EEFSEC: variants seen among roughly 807,000 people sequenced by gnomAD.
EEFSEC encodes the protein eukaryotic elongation factor, selenocysteine-tRNA specific, also known as selenocysteine-specific elongation factor.
Under a neutral mutation model 42.1 loss-of-function variants are expected in EEFSEC, and 43 were observed. That is an observed-to-expected ratio of 1.02 (90% CI 0.80 to 1.32). EEFSEC has a LOEUF of 1.32. EEFSEC is among the 40% of genes most tolerant of loss of function. The pLI is 0.00. For synonymous variants in EEFSEC, 354 were observed against 339.1 expected, an observed-to-expected ratio of 1.04 and a Z score of -0.48; for missense variants, 745 against 803.6, an observed-to-expected ratio of 0.93 and a Z score of 0.88.
At chr3:128,340,747 A>G (rs2067241121) in intron 4 of EEFSEC, among the ~76,000 whole-genome samples, 1 of 152,212 alleles carries the variant, frequency 6.6e-6, no homozygotes, top group Non-Finnish European at 1.5e-5. Flanking sequence ...CAGGCTTTCC[A>G]GAGCAGTGGT....
At chr3:128,357,795 C>T (rs2067473799) in intron 5 of EEFSEC, among the ~76,000 whole-genome samples, 1 of 151,664 alleles carries the variant, frequency 6.6e-6, no homozygotes, top group African/African-American at 2.4e-5. Flanking sequence ...GTCATTGTGG[C>T]CCCCCAGGGG....
chr3:128,415,926 G>A, the EEFSEC span, among the ~76,000 whole-genome samples: 4 of 152,334 alleles, frequency 2.6e-5, no homozygotes, highest in Admixed American at 6.5e-5. Flanking sequence ...GGAACCTTTG[G>A]GGGGAAGTGG....
intron 6 of EEFSEC, among the ~76,000 whole-genome samples, chr3:128,399,061 G>A (rs894787796): frequency 6.6e-6 from 1 of 151,062 alleles, no homozygotes; most frequent in Non-Finnish European, 1.5e-5. Flanking sequence ...GAATGGATTT[G>A]TTTTTTGCCT....
chr3:128,236,294 T>C (rs1436305390), intron 1 of EEFSEC, among the ~76,000 whole-genome samples: 1 of 152,224 alleles, frequency 6.6e-6, no homozygotes, highest in Non-Finnish European at 1.5e-5. Flanking sequence ...ACCAAATGTT[T>C]GAGGTGACTC....
At chr3:128,356,589 A>G (rs933107054) in intron 5 of EEFSEC, among the ~76,000 whole-genome samples, 17 of 152,228 alleles carry the variant, frequency 1.1e-4, no homozygotes, top group African/African-American at 4.1e-4. Flanking sequence ...TTGTTTTTAC[A>G]TTTTTAAATT....
downstream of EEFSEC, among the ~76,000 whole-genome samples, chr3:128,412,937 T>C (rs2068184104): frequency 6.6e-6 from 1 of 152,118 alleles, no homozygotes; most frequent in South Asian, 2.1e-4. Flanking sequence ...CCTAGAAGGC[T>C]GTCTGCTGGG....
chr3:128,263,787 C>G (rs2066322755), intron 3 of EEFSEC, among the ~76,000 whole-genome samples: 1 of 152,192 alleles, frequency 6.6e-6, no homozygotes, highest in Admixed American at 6.5e-5. Flanking sequence ...GTGATGAGCC[C>G]TGACAGCATC....
rs1469874728 is a variant in EEFSEC at position 128,342,811 on chromosome 3, A to G, written c.1443+922A>G. ...AGAACACGGTGGTCTCCCCCAAAGT[A>G]GTGGAATCACCTCCTCCCATGGGGC... is the stretch of plus-strand genomic sequence containing the variant. On this transcript the variant is annotated intron_variant, in intron 5 of 6. Transcript: ENST00000254730. 2.0e-5 allele frequency among the ~76,000 whole-genome samples: 3 copies of G among 152,202 alleles called. No homozygotes were observed. The East Asian group carries it at 5.8e-4, about 29-fold the overall frequency.
At chr3:128,417,686 C>T in the EEFSEC span, among the ~76,000 whole-genome samples, 6 of 152,122 alleles carry the variant, frequency 3.9e-5, no homozygotes, top group African/African-American at 7.2e-5. This position sits in a 1 kb window ranked among gnomAD's most constrained non-coding sequence, Gnocchi z 4.3. Flanking sequence ...CAGGAGCACT[C>T]GGGCCAGTGG....
intron 6 of EEFSEC, among the ~76,000 whole-genome samples, chr3:128,386,311 G>C (rs2067837469): frequency 6.6e-6 from 1 of 152,136 alleles, no homozygotes; most frequent in Non-Finnish European, 1.5e-5. Flanking sequence ...GCAGGCTGCA[G>C]GCTACCTATG....
At chr3:128,276,831 A>G (rs533314259) in intron 4 of EEFSEC, among the ~76,000 whole-genome samples, 2 of 152,302 alleles carry the variant, frequency 1.3e-5, no homozygotes, top group African/African-American at 4.8e-5. Context: ...ATCTTGAGCA[A>G]TGAAGGGGTA....
At chr3:128,412,121 G>A (rs2068178138), downstream of EEFSEC, among the ~76,000 whole-genome samples, 2 of 152,236 alleles carry the variant, frequency 1.3e-5, no homozygotes, top group Admixed American at 1.3e-4. Flanking sequence ...GTGTCCCCAT[G>A]TGTAAAATGT....
At chr3:128,422,415 G>A in the EEFSEC span, among the ~76,000 whole-genome samples, 1 of 152,190 alleles carries the variant, frequency 6.6e-6, no homozygotes, top group African/African-American at 2.4e-5. Context: ...AGAAAGGCTC[G>A]AGGGCAGCTA....
At chr3:128,158,739 C>T (rs1013854747) in intron 1 of EEFSEC, among the ~76,000 whole-genome samples, 1 of 152,134 alleles carries the variant, frequency 6.6e-6, no homozygotes, top group Non-Finnish European at 1.5e-5. Context: ...AAAAATTTGA[C>T]TTGCTTTATT....
intron 4 of EEFSEC, among the ~76,000 whole-genome samples, chr3:128,301,379 C>T (rs1025778912): frequency 7.9e-5 from 12 of 152,190 alleles, no homozygotes; most frequent in African/African-American, 2.9e-4. Flanking sequence ...GAAGCCTGAT[C>T]ATGCCTAGGC....
In EEFSEC at chr3:128,384,605, G is replaced by A. The variant is rs531282209; in HGVS notation, c.1601-23464G>A. 4.1e-4 allele frequency among the ~76,000 whole-genome samples: 62 copies of A among 152,358 alleles called. 1 individual carries two copies. The highest frequency in any genetic ancestry group is 1.3e-3 in the African/African-American group (56 of 41,590). ...AAGCACGCCAGTTGCTGGGGATGGA[G>A]TGGAGGGTACAAGGCCTGAGGTGGC... On this transcript the variant is annotated intron_variant, in intron 6 of 6. Coordinates refer to ENST00000254730, the MANE Select transcript of EEFSEC (RefSeq NM_021937.5).
intron 4 of EEFSEC, among the ~76,000 whole-genome samples, chr3:128,313,407 G>A (rs1252591273): frequency 6.6e-6 from 1 of 152,226 alleles, no homozygotes; most frequent in East Asian, 1.9e-4. Context: ...CATGCCATGT[G>A]GGAGCCACGG....
chr3:128,372,445 T>A (rs2067664818), intron 6 of EEFSEC, among the ~76,000 whole-genome samples: 1 of 152,130 alleles, frequency 6.6e-6, no homozygotes, highest in Non-Finnish European at 1.5e-5. Context: ...CTGCCCCAAA[T>A]TCCCCCATGA....
At chr3:128,161,972 T>G (rs1351186099) in intron 1 of EEFSEC, among the ~76,000 whole-genome samples, 1 of 152,244 alleles carries the variant, frequency 6.6e-6, no homozygotes, top group Non-Finnish European at 1.5e-5. Context: ...GTTACTCTAA[T>G]GCAAAAGCAA....
Sources: gnomAD v4.1 joint callset for allele counts (sites outside exome capture counted in the v4.1 genomes callset) on GRCh38, gnomAD v4.1.1 for gene constraint, Gnocchi (gnomAD v3.1) non-coding constraint, MANE v1.5 for transcripts, NCBI Gene and HGNC (gene_info 2026-07-23, HGNC 2026-07-21) for gene names.